Variants in COA4 observed in about 807,000 individuals in gnomAD.
COA4 encodes the protein cytochrome c oxidase assembly factor 4 homolog, mitochondrial.
COA4 carries 8 observed loss-of-function variants against 7.3 expected under a neutral mutation model. The observed-to-expected ratio is 1.10, with a 90% CI of 0.64 to 1.98. The LOEUF (loss-of-function observed/expected upper bound fraction) is 1.98. Ranked by LOEUF, COA4 falls within the 30% of genes most tolerant of loss-of-function variation. The probability of loss-of-function intolerance (pLI) is 0.00; values close to 1 mark genes in which losing one functional copy is unlikely to be tolerated. For missense variants in COA4, 96 were observed against 111.2 expected, an observed-to-expected ratio of 0.86 and a Z score of 0.62; for synonymous variants, 42 against 44.3, an observed-to-expected ratio of 0.95 and a Z score of 0.21.
chr11:73,876,696 G>C (rs777603917), intron 1 of COA4, 61 bp downstream of exon 1: 19 of 246,622 alleles, frequency 7.7e-5, no homozygotes, highest in Non-Finnish European at 1.2e-4. Context: ...GCGCGCGGCC[G>C]CTGATCGCAG....
chr11:73,872,974 C>T lies in COA4; in HGVS notation c.*141G>A. The T allele has an allele frequency of 9.5e-7, 1 of 1,058,062 alleles. No individual in the cohort carries two copies. 65.5% of individuals were successfully genotyped at this position (1,058,062 alleles called of 1,614,324 possible). ...GCTGTTTGTGCCAGTCATGTCCAAA[C>T]CCATGGCTCTCAACTCCAGATCCAA... On this transcript the variant is annotated 3_prime_UTR_variant, in exon 2 of 2. Transcript: ENST00000355693.
intron 1 of COA4, among the ~76,000 whole-genome samples, chr11:73,874,665 CCTTATT>C: frequency 6.6e-6 from 1 of 152,114 alleles, no homozygotes; most frequent in South Asian, 2.1e-4. Flanking sequence ...ATCCTACTAG[CCTTATT>C]CTATGCTGAA....
chr11:73,875,892 C>T (rs1948738178), intron 1 of COA4: 1 of 152,218 alleles, frequency 6.6e-6, no homozygotes, highest in Non-Finnish European at 1.5e-5. Context: ...AGAAAATGGG[C>T]TTTGAAACAG....
chr11:73,874,223 G>A (rs922725714), intron 1 of COA4, among the ~76,000 whole-genome samples: 5 of 152,076 alleles, frequency 3.3e-5, no homozygotes, highest in Admixed American at 6.6e-5. Flanking sequence ...TGAGGCAGTC[G>A]GATCACCTGA....
chr11:73,873,211 T>G lies in COA4; in HGVS notation c.168A>C (p.Pro56=). The change falls in exon 2 of 2, where the codon CCA becomes CCC. Residue 56 remains proline (P), a synonymous_variant. Coordinates refer to ENST00000355693, the MANE Select transcript of COA4 (RefSeq NM_016565.3). ...AQHQDWRQCQ[P]QVQAFKDCMS... is the part of the protein sequence containing the mutation. ...TGCAATCCTTGAACGCCTGCACCTGTGGCTGGCATTGCCGCCAGTCCTGGT... is the reference window on the plus strand; with the variant it reads ...TGCAATCCTTGAACGCCTGCACCTGGGGCTGGCATTGCCGCCAGTCCTGGT... 1 of 1,614,250 alleles carries G rather than the reference T, an allele frequency of 6.2e-7. No individual in the cohort carries two copies. The highest frequency in any genetic ancestry group is 1.1e-5 in the South Asian group (1 of 91,088).
In COA4 at chr11:73,873,631, C is replaced by A. The variant is rs1948712919; in HGVS notation, c.-16-237G>T. ...GATCAAGCAATCCTTCCCCCTCAGT[C>A]CCTCCCTGGCCAGAGTAGCTGGGAC... On this transcript the variant is annotated intron_variant, in intron 1 of 1. Coordinates refer to ENST00000355693, the MANE Select transcript of COA4 (RefSeq NM_016565.3). 3 of 546,316 alleles carry A rather than the reference C, an allele frequency of 5.5e-6. No homozygotes were observed. In the Admixed American group the frequency reaches 1.1e-4, roughly 20 times the overall value. 33.8% of individuals were successfully genotyped at this position (546,316 alleles called of 1,614,324 possible).
Position 73,876,768 on chromosome 11 carries a change from G to A in COA4, c.-28C>T, listed in dbSNP as rs1280796930. 1 of 371,230 alleles carries A rather than the reference G, an allele frequency of 2.7e-6. No homozygotes were observed. 23.0% of individuals were successfully genotyped at this position (371,230 alleles called of 1,614,324 possible). A position where few individuals can be genotyped will look rare whatever the true frequency, so the allele number is the denominator to read the frequency against. ...TACGCGATGCTCACCGAACAGGTGG[G>A]AGAAGAGGGCCCGAACGCACGCTCC... On this transcript the variant is annotated 5_prime_UTR_variant, in exon 1 of 2. Transcript: ENST00000355693.
chr11:73,875,175 C>T (rs1018086894), intron 1 of COA4, among the ~76,000 whole-genome samples: 1 of 152,212 alleles, frequency 6.6e-6, no homozygotes, highest in African/African-American at 2.4e-5. Flanking sequence ...CCCAAACTGT[C>T]TTGCCCGTCT....
In COA4 at chr11:73,876,839, A is replaced by C; in HGVS notation, c.-99T>G. Reference sequence around the variant, plus strand: ...GCAGGCGGTTGGGGATCCTCTGTACATCCTTTCAGGAACCAGCCCCTCGTG... The same window carrying C: ...GCAGGCGGTTGGGGATCCTCTGTACCTCCTTTCAGGAACCAGCCCCTCGTG... On this transcript the variant is annotated 5_prime_UTR_variant, in exon 1 of 2. An upstream start codon of the reference 5' UTR is lost. Transcript: ENST00000355693. 1 of 590,248 alleles carries C rather than the reference A, an allele frequency of 1.7e-6. No individual in the cohort carries two copies. Among genetic ancestry groups the C allele is most frequent in the Non-Finnish European group, 2.7e-6 (1 of 372,526 alleles). 36.6% of individuals were successfully genotyped at this position (590,248 alleles called of 1,614,324 possible). A position where few individuals can be genotyped will look rare whatever the true frequency, so the allele number is the denominator to read the frequency against.
intron 1 of COA4, 90 bp downstream of exon 1, chr11:73,876,667 A>C (rs940888615): frequency 4.4e-5 from 9 of 205,634 alleles, no homozygotes; most frequent in African/African-American, 1.8e-4. Flanking sequence ...AGGACTTTGA[A>C]CTTTGAGGAC....
In COA4 at chr11:73,873,248, C is replaced by G; in HGVS notation, c.131G>C (p.Cys44Ser). Residue 44 changes from cysteine to serine, a missense_variant, in exon 2 of 2, where the codon TGC (cysteine) becomes TCC (serine). By Grantham distance (112) the Cys-to-Ser change is moderately radical. Coordinates refer to ENST00000355693, the MANE Select transcript of COA4 (RefSeq NM_016565.3). ...CCGCCAGTCCTGGTGCTGGGCCATG[C>G]ACTCCTGCACTGCAAAGTGGGAGGC... is the stretch of plus-strand genomic sequence containing the variant. The part of the protein sequence containing the change: ...CAASHFAVQE[C>S]MAQHQDWRQC... 1 of 1,614,272 alleles carries G rather than the reference C, an allele frequency of 6.2e-7. No homozygotes were observed. The highest frequency in any genetic ancestry group is 8.5e-7 in the Non-Finnish European group (1 of 1,180,050).
At chr11:73,874,926 T>C (rs1948724409) in intron 1 of COA4, among the ~76,000 whole-genome samples, 1 of 151,738 alleles carries the variant, frequency 6.6e-6, no homozygotes, top group Non-Finnish European at 1.5e-5. Flanking sequence ...GCGGAGGTTG[T>C]AGTGAGCCAA....
chr11:73,875,719 A>G (rs1215222761), intron 1 of COA4: 1 of 152,216 alleles, frequency 6.6e-6, no homozygotes, highest in Non-Finnish European at 1.5e-5. Flanking sequence ...GAATAAGACA[A>G]TATTAAACTG....
At chr11:73,874,485 G>T (rs1442293099) in intron 1 of COA4, 1 of 151,982 alleles carries the variant, frequency 6.6e-6, no homozygotes, top group Non-Finnish European at 1.5e-5. Flanking sequence ...GTAAAAATTA[G>T]CTGGGCATAG....
chr11:73,874,914 G>A (rs1948724218), intron 1 of COA4, among the ~76,000 whole-genome samples: 1 of 151,874 alleles, frequency 6.6e-6, no homozygotes, highest in Non-Finnish European at 1.5e-5. Flanking sequence ...TTAACCCAAG[G>A]GGCGGAGGTT....
chr11:73,876,839 ATCC>A lies in COA4; in HGVS notation c.-102_-100del. On this transcript the variant is annotated 5_prime_UTR_variant, in exon 1 of 2. In the 5' UTR this introduces an upstream ATG that the reference lacks. Transcript: ENST00000355693. Reference sequence around the variant, plus strand: ...GCAGGCGGTTGGGGATCCTCTGTACATCCTTTCAGGAACCAGCCCCTCGTGGGG... The same window carrying A: ...GCAGGCGGTTGGGGATCCTCTGTACATTTCAGGAACCAGCCCCTCGTGGGG... 1 of 590,248 alleles carries A rather than the reference ATCC, an allele frequency of 1.7e-6. No homozygotes were observed. The highest frequency in any genetic ancestry group is 2.7e-6 in the Non-Finnish European group (1 of 372,526). The allele number at this position is 590,248 out of a possible 1,614,324, so 36.6% of individuals were successfully genotyped here.
At position 73,873,405 on chromosome 11, in the gene COA4, T is replaced by C; in HGVS notation, c.-16-11A>G. The C allele has an allele frequency of 6.2e-7, 1 of 1,611,776 alleles. No individual in the cohort carries two copies. The highest frequency in any genetic ancestry group is 8.5e-7 in the Non-Finnish European group (1 of 1,178,378). On this transcript the variant is annotated splice_polypyrimidine_tract_variant and intron_variant, in intron 1 of 1. Coordinates refer to ENST00000355693, the MANE Select transcript of COA4 (RefSeq NM_016565.3). ...CTGGGGATGGGGAGTCTATAGAACA[T>C]TAACAGGTTAGAGTAGGGATATAAT...
Position 73,872,882 on chromosome 11 carries a change from T to A in COA4, c.*233A>T, listed in dbSNP as rs1948703544. 2 of 535,646 alleles carry A rather than the reference T, an allele frequency of 3.7e-6. No individual in the cohort carries two copies. The highest frequency in any genetic ancestry group is 6.5e-6 in the Non-Finnish European group (2 of 309,146). The allele number at this position is 535,646 out of a possible 1,614,324, so 33.2% of individuals were successfully genotyped here. A position where few individuals can be genotyped will look rare whatever the true frequency, so the allele number is the denominator to read the frequency against. Reference sequence around the variant, plus strand: ...AGCATCCCTTAACACATTCTTTGTTTTCCTGGTAAATACTGGTGGAACAAG... The same window carrying A: ...AGCATCCCTTAACACATTCTTTGTTATCCTGGTAAATACTGGTGGAACAAG... On this transcript the variant is annotated 3_prime_UTR_variant, in exon 2 of 2. Transcript: ENST00000355693.
rs371802088 is a variant in COA4 at position 73,876,815 on chromosome 11, C to G, written c.-75G>C. ...CTCCTACGCGGCGGCTTGGGTTTCG[C>G]AGGCGGTTGGGGATCCTCTGTACAT... is the stretch of plus-strand genomic sequence containing the variant. On this transcript the variant is annotated 5_prime_UTR_variant, in exon 1 of 2. Transcript: ENST00000355693. 2.4e-3 allele frequency: 1,080 copies of G among 448,500 alleles called. 9 individuals are homozygous for G. Among genetic ancestry groups the G allele is most frequent in the African/African-American group, 0.018 (865 of 49,346 alleles). The allele number at this position is 448,500 out of a possible 1,614,324, so 27.8% of individuals were successfully genotyped here. A position where few individuals can be genotyped will look rare whatever the true frequency, so the allele number is the denominator to read the frequency against.
Sources: allele counts gnomAD v4.1 joint callset (sites outside exome capture counted in the v4.1 genomes callset), GRCh38; gene constraint gnomAD v4.1.1; transcripts MANE v1.5; gene names NCBI Gene and HGNC (gene_info 2026-07-23, HGNC 2026-07-21).